The following EML1 variants were observed in gnomAD, a reference collection of about 807,000 sequenced individuals.
EML1 encodes echinoderm microtubule-associated protein-like 1.
In EML1, 27 loss-of-function variants were observed where a neutral mutation model predicts 110.4. The ratio of observed to expected loss-of-function variants is 0.24; its 90% confidence interval spans 0.18 to 0.34. The LOEUF is 0.34. EML1 is among the 10% of genes least tolerant of loss of function. The pLI, the probability that EML1 is intolerant of heterozygous loss-of-function variation, is 1.00. For synonymous variants in EML1, 344 were observed against 385.8 expected, an observed-to-expected ratio of 0.89 and a Z score of 1.27; for missense variants, 741 against 1,030.9, an observed-to-expected ratio of 0.72 and a Z score of 3.85.
chr14:99,746,809 C>CTGTG (rs2057114201), intron 1 of EML1, among the ~76,000 whole-genome samples: 2 of 152,186 alleles, frequency 1.3e-5, no homozygotes, highest in Non-Finnish European at 2.9e-5. Flanking sequence ...GAGCCTTGTC[C>CTGTG]TGTGTCCCCA....
In EML1 at chr14:99,914,557, T is replaced by G; in HGVS notation, c.1621-9T>G. 1 of 1,582,442 alleles carries G rather than the reference T, an allele frequency of 6.3e-7. No homozygotes were observed. Among genetic ancestry groups the G allele is most frequent in the African/African-American group, 1.4e-5 (1 of 72,710 alleles). ...TCAGAGCGCTTCTGTTTGTCTTGGT[T>G]ATTTGTAGGGTCACACTGATGAGCT... On this transcript the variant is annotated splice_polypyrimidine_tract_variant and intron_variant, in intron 14 of 21. Transcript: ENST00000262233.
chr14:99,806,255 T>A (rs2057971887), intron 1 of EML1, among the ~76,000 whole-genome samples: 1 of 151,388 alleles, frequency 6.6e-6, no homozygotes, highest in African/African-American at 2.4e-5. Context: ...CACACCCACG[T>A]GCATTACAAG....
At chr14:99,915,432 AAAG>A (rs1282246089) in intron 15 of EML1, 2 of 151,984 alleles carry the variant, frequency 1.3e-5, no homozygotes, top group East Asian at 1.9e-4. Flanking sequence ...AAAAAAAAAA[AAAG>A]TCAACATCTC....
chr14:99,836,300 T>C (rs1415121731), intron 1 of EML1, among the ~76,000 whole-genome samples: 1 of 152,226 alleles, frequency 6.6e-6, no homozygotes, highest in Non-Finnish European at 1.5e-5. Flanking sequence ...ATAAATGCCA[T>C]TGTGTTTTAA....
chr14:99,763,673 G>A (rs187813960), intron 1 of EML1, among the ~76,000 whole-genome samples: 23 of 152,258 alleles, frequency 1.5e-4, no homozygotes, highest in African/African-American at 4.1e-4. Context: ...CCTCATCACT[G>A]CAATGACCTC....
chr14:99,918,439 T>C (rs1166101106), intron 16 of EML1, among the ~76,000 whole-genome samples: 1 of 152,214 alleles, frequency 6.6e-6, no homozygotes, highest in African/African-American at 2.4e-5. Flanking sequence ...GTGGAGCTTC[T>C]CAAGCCCTGA....
At chr14:99,759,501 C>T (rs969895146) in intron 1 of EML1, among the ~76,000 whole-genome samples, 2 of 152,246 alleles carry the variant, frequency 1.3e-5, no homozygotes, top group Non-Finnish European at 2.9e-5. Context: ...TTAGTTTCTG[C>T]TGACAGTGAC....
intron 2 of EML1, among the ~76,000 whole-genome samples, chr14:99,856,703 A>G (rs2058908339): frequency 6.6e-6 from 1 of 152,206 alleles, no homozygotes; most frequent in African/African-American, 2.4e-5. Flanking sequence ...AGTGATTTAT[A>G]GAAAAGGGTT....
At chr14:99,868,295 C>G (rs2059135908) in intron 3 of EML1, among the ~76,000 whole-genome samples, 1 of 152,044 alleles carries the variant, frequency 6.6e-6, no homozygotes, top group African/African-American at 2.4e-5. Flanking sequence ...GTGTCTTTGT[C>G]TGGTTTTGGT....
intron 17 of EML1, among the ~76,000 whole-genome samples, chr14:99,923,715 A>G (rs1402257919): frequency 2.8e-5 from 2 of 70,674 alleles, no homozygotes; most frequent in Admixed American, 2.6e-4. Context: ...CACTGCTGCA[A>G]ATTTGTTGTT....
chr14:99,915,642 A>G (rs1406358853), intron 15 of EML1, among the ~76,000 whole-genome samples: 2 of 151,992 alleles, frequency 1.3e-5, no homozygotes, highest in African/African-American at 2.4e-5. Context: ...TGAGGTGTAG[A>G]GAAGTTAAAT....
intron 1 of EML1, 143 bp downstream of exon 1, chr14:99,793,686 T>C (rs1031314002): frequency 3.1e-5 from 16 of 509,234 alleles, no homozygotes; most frequent in Admixed American, 2.6e-4. Context: ...GGGCGCGCGG[T>C]CCCCGTTCCC....
At chr14:99,891,791 CA>C (rs2059591608) in intron 5 of EML1, among the ~76,000 whole-genome samples, 2 of 151,864 alleles carry the variant, frequency 1.3e-5, no homozygotes, top group Non-Finnish European at 2.9e-5. Flanking sequence ...ATTTAAAATG[CA>C]AAAAATGGAC....
chr14:99,856,220 A>G (rs1422023259), intron 2 of EML1, among the ~76,000 whole-genome samples: 1 of 152,238 alleles, frequency 6.6e-6, no homozygotes, highest in Non-Finnish European at 1.5e-5. Context: ...TCTTTCTGCC[A>G]TCTGCATTGC....
chr14:99,874,899 T>C, intron 3 of EML1: 1 of 1,595,292 alleles, frequency 6.3e-7, no homozygotes, highest in Non-Finnish European at 8.5e-7. Flanking sequence ...CTCACATTTA[T>C]TCTGCTTTAT....
chr14:99,894,824 G>T, intron 6 of EML1, 66 bp downstream of exon 6: 1 of 1,493,442 alleles, frequency 6.7e-7, no homozygotes. Context: ...GATGTTAACT[G>T]TAGAAATTCA....
At chr14:99,747,000 C>A (rs1388908304) in intron 1 of EML1, among the ~76,000 whole-genome samples, 2 of 152,056 alleles carry the variant, frequency 1.3e-5, no homozygotes, top group Non-Finnish European at 2.9e-5. Flanking sequence ...CCCCATCTCA[C>A]AAGGCCAGAT....
chr14:99,832,497 C>T (rs944280091), intron 1 of EML1, among the ~76,000 whole-genome samples: 20 of 152,282 alleles, frequency 1.3e-4, no homozygotes, highest in African/African-American at 3.9e-4. Flanking sequence ...GTCAGAGATG[C>T]AATTGCTGAT....
At chr14:99,766,179 G>C (rs1481887422) in intron 1 of EML1, among the ~76,000 whole-genome samples, 1 of 146,380 alleles carries the variant, frequency 6.8e-6, no homozygotes, top group Non-Finnish European at 1.5e-5. Flanking sequence ...GGATCACATG[G>C]AAATTAAACT....
Sources: gnomAD v4.1 joint callset for allele counts (sites outside exome capture counted in the v4.1 genomes callset) on GRCh38, gnomAD v4.1.1 for gene constraint, MANE v1.5 for transcripts, NCBI Gene and HGNC (gene_info 2026-07-23, HGNC 2026-07-21) for gene names.